Variants in PSD3 observed in about 807,000 individuals in gnomAD.
The protein encoded by PSD3 is PH and SEC7 domain-containing protein 3.
A neutral mutation model predicts 105.5 loss-of-function variants in PSD3; 49 were observed. The observed-to-expected ratio is 0.46, with a 90% CI of 0.37 to 0.59. The LOEUF is 0.59. Ranked by LOEUF, PSD3 falls within the 20% of genes least tolerant of loss-of-function variation. The pLI, the probability that PSD3 is intolerant of heterozygous loss-of-function variation, is 0.00. For missense variants in PSD3, 1,561 were observed against 1,263.8 expected (o/e 1.24, Z -3.57); for synonymous variants, 557 against 457.8 (o/e 1.22, Z -2.77).
chr8:18,713,252 C>G (rs774043565), intron 9 of PSD3, among the ~76,000 whole-genome samples: 3 of 152,050 alleles, frequency 2.0e-5, no homozygotes, highest in Admixed American at 2.0e-4. Flanking sequence ...TTTCACCACT[C>G]GTATTCAACA....
chr8:18,633,403 C>A (rs1807036102), intron 10 of PSD3, among the ~76,000 whole-genome samples: 1 of 152,024 alleles, frequency 6.6e-6, no homozygotes, highest in Non-Finnish European at 1.5e-5. Context: ...GTGACAGCTG[C>A]TACTTTCTCA....
intron 9 of PSD3, among the ~76,000 whole-genome samples, chr8:18,758,368 G>T (rs1329376851): frequency 1.3e-5 from 2 of 151,250 alleles, no homozygotes; most frequent in Non-Finnish European, 2.9e-5. Flanking sequence ...CTCCCTGGCT[G>T]AAAGGGGTAG....
chr8:18,655,891 T>G (rs1442423277), intron 9 of PSD3, among the ~76,000 whole-genome samples: 1 of 152,184 alleles, frequency 6.6e-6, no homozygotes, highest in Admixed American at 6.5e-5. Context: ...AAAGAAACTT[T>G]CACAAAGTTA....
chr8:18,694,409 G>A (rs981648894), intron 9 of PSD3, among the ~76,000 whole-genome samples: 11 of 152,350 alleles, frequency 7.2e-5, no homozygotes, highest in East Asian at 5.8e-4. Flanking sequence ...AGCAGATCGA[G>A]ACCATCCTGG....
At chr8:18,787,495 G>C (rs1481322610) in intron 8 of PSD3, among the ~76,000 whole-genome samples, 4 of 151,996 alleles carry the variant, frequency 2.6e-5, no homozygotes, top group African/African-American at 9.7e-5. Context: ...TGACAAAGTG[G>C]AAAGTTTAAA....
intron 10 of PSD3, among the ~76,000 whole-genome samples, chr8:18,650,020 G>C (rs1585500840): frequency 6.6e-6 from 1 of 152,156 alleles, no homozygotes; most frequent in East Asian, 1.9e-4. Flanking sequence ...CTTAAGTATT[G>C]CTTTGTAGCA....
intron 14 of PSD3, among the ~76,000 whole-genome samples, chr8:18,566,317 G>T (rs1310626548): frequency 3.9e-5 from 6 of 152,074 alleles, no homozygotes; most frequent in Admixed American, 3.9e-4. Flanking sequence ...TTGAGGCCAG[G>T]AGTTCGAGAC....
intron 4 of PSD3, among the ~76,000 whole-genome samples, chr8:18,838,852 T>C: frequency 7.1e-6 from 1 of 141,656 alleles, no homozygotes. Context: ...AATAATAATG[T>C]TCAAGAAAAA....
intron 1 of PSD3, among the ~76,000 whole-genome samples, chr8:19,060,955 C>T (rs77598023): frequency 5.3e-5 from 8 of 152,164 alleles, no homozygotes; most frequent in Non-Finnish European, 2.9e-5. Flanking sequence ...GCTCCTGGCT[C>T]CTACCTTCTC....
chr8:18,683,438 C>G (rs979641845), intron 9 of PSD3, among the ~76,000 whole-genome samples: 2 of 152,236 alleles, frequency 1.3e-5, no homozygotes, highest in Non-Finnish European at 2.9e-5. Flanking sequence ...ATACTCCGCA[C>G]TGAAAAATCA....
chr8:18,618,568 T>C (rs1317151314), intron 11 of PSD3, among the ~76,000 whole-genome samples: 2 of 141,476 alleles, frequency 1.4e-5, no homozygotes, highest in Non-Finnish European at 3.3e-5. Flanking sequence ...TCTAAAATGA[T>C]GTTATTTTGT....
chr8:18,707,586 T>C (rs1801979498), intron 9 of PSD3, among the ~76,000 whole-genome samples: 1 of 152,164 alleles, frequency 6.6e-6, no homozygotes, highest in African/African-American at 2.4e-5. Context: ...ATAGATATTA[T>C]CATCACTCCC....
At chr8:18,811,284 T>C (rs1407527035) in intron 4 of PSD3, among the ~76,000 whole-genome samples, 21 of 152,332 alleles carry the variant, frequency 1.4e-4, no homozygotes, top group Non-Finnish European at 2.9e-5. Context: ...GCTTTACTAC[T>C]TTTATAAGCT....
At chr8:18,885,932 A>T (rs1818423729) in intron 2 of PSD3, among the ~76,000 whole-genome samples, 1 of 152,192 alleles carries the variant, frequency 6.6e-6, no homozygotes, top group South Asian at 2.1e-4. Flanking sequence ...TGTTTCCAGA[A>T]CATTTTTGGT....
Position 18,535,595 on chromosome 8 carries a change from A to G in PSD3, c.*148T>C. ...CAAGAGCAAAGACAATCTGTACAGAAACTAACAAAAATATACAATAGAAAA... is the reference window on the plus strand; with the variant it reads ...CAAGAGCAAAGACAATCTGTACAGAGACTAACAAAAATATACAATAGAAAA... On this transcript the variant is annotated 3_prime_UTR_variant, in exon 16 of 16. Coordinates refer to ENST00000327040, the MANE Select transcript of PSD3 (RefSeq NM_015310.4). The G allele has an allele frequency of 1.4e-6, 1 of 708,600 alleles. No homozygotes were observed. The allele number at this position is 708,600 out of a possible 1,614,324, so 43.9% of individuals were successfully genotyped here.
chr8:18,550,958 CTTT>C (rs1800732821), intron 15 of PSD3, among the ~76,000 whole-genome samples: 1 of 152,160 alleles, frequency 6.6e-6, no homozygotes. Flanking sequence ...TACTAATCTT[CTTT>C]AACTAGTTTA....
At chr8:18,737,454 G>A (rs1239739431) in intron 9 of PSD3, among the ~76,000 whole-genome samples, 1 of 152,036 alleles carries the variant, frequency 6.6e-6, no homozygotes, top group Non-Finnish European at 1.5e-5. Flanking sequence ...CCTCCCGAGA[G>A]GTGGGACTTA....
chr8:18,637,876 G>A (rs1426127690), intron 10 of PSD3, among the ~76,000 whole-genome samples: 1 of 151,978 alleles, frequency 6.6e-6, no homozygotes, highest in Non-Finnish European at 1.5e-5. Flanking sequence ...TTCAGTACTG[G>A]GCCCAGCATG....
At position 18,530,128 on chromosome 8, in the gene PSD3, GCCA is replaced by G. The variant is rs963787530; in HGVS notation, c.*5612_*5614del. 10 of 152,570 alleles carry G rather than the reference GCCA, an allele frequency of 6.6e-5. No homozygotes were observed. The highest frequency in any genetic ancestry group is 2.0e-4 in the Admixed American group (3 of 15,264). The allele number at this position is 152,570 out of a possible 1,614,324, so 9.5% of individuals were successfully genotyped here. A position where few individuals can be genotyped will look rare whatever the true frequency, so the allele number is the denominator to read the frequency against. ...GTTTAAACAAAAGACACTGCACTCA[GCCA>G]CTCACTCAAACACACTCAGTCACTG... On this transcript the variant is annotated 3_prime_UTR_variant, in exon 16 of 16. Transcript: ENST00000327040.
Sources: gnomAD v4.1 joint callset for allele counts (sites outside exome capture counted in the v4.1 genomes callset) on GRCh38, gnomAD v4.1.1 for gene constraint, MANE v1.5 for transcripts, NCBI Gene and HGNC (gene_info 2026-07-23, HGNC 2026-07-21) for gene names.